FAM178B: variants seen among roughly 807,000 people sequenced by gnomAD.
FAM178B encodes the protein protein FAM178B.
In FAM178B, 82 loss-of-function variants were observed where a neutral mutation model predicts 91.7. That is an observed-to-expected ratio of 0.89 (90% CI 0.75 to 1.07). FAM178B has a LOEUF of 1.07. Ranked by LOEUF, FAM178B falls within the 50% of genes least tolerant of loss-of-function variation. The probability of loss-of-function intolerance (pLI) is 0.00; values close to 1 mark genes in which losing one functional copy is unlikely to be tolerated. For synonymous variants in FAM178B, 368 were observed against 359.4 expected (o/e 1.02, Z -0.27); for missense variants, 769 against 846.7 (o/e 0.91, Z 1.14).
chr2:96,956,292 G>C (rs1401545995), intron 6 of FAM178B, among the ~76,000 whole-genome samples: 1 of 152,230 alleles, frequency 6.6e-6, no homozygotes, highest in Non-Finnish European at 1.5e-5. Context: ...ACATGTGACT[G>C]TGGTGGCAGG....
chr2:96,971,910 C>T lies in FAM178B; in HGVS notation c.555G>A (p.Ala185=), dbSNP rs2082223562. 18 of 1,494,492 alleles carry T rather than the reference C, an allele frequency of 1.2e-5. No individual in the cohort carries two copies. Among genetic ancestry groups the T allele is most frequent in the Non-Finnish European group, 1.5e-5 (17 of 1,121,466 alleles). The allele number at this position is 1,494,492 out of a possible 1,614,324, so 92.6% of individuals were successfully genotyped here. A position where few individuals can be genotyped will look rare whatever the true frequency, so the allele number is the denominator to read the frequency against. ...GTGGACACAGGCTCACCTCTGGGGCCGCAGCCTGCTGGCTCAGGCCTGACG... is the reference window on the plus strand; with the variant it reads ...GTGGACACAGGCTCACCTCTGGGGCTGCAGCCTGCTGGCTCAGGCCTGACG... ...WNTSGLSQQA[A]APEFSWGGSG... is the part of the protein sequence containing the mutation. Residue 185 remains alanine, a synonymous_variant, in exon 3 of 17, where the codon GCG becomes GCA. Transcript: ENST00000490605.
At chr2:96,942,646 C>G (rs913800876) in intron 8 of FAM178B, among the ~76,000 whole-genome samples, 1 of 152,154 alleles carries the variant, frequency 6.6e-6, no homozygotes, top group Admixed American at 6.5e-5. Context: ...CCGCCTGCCT[C>G]GGCCTCCCAA....
chr2:96,925,302 G>T (rs549062274), intron 9 of FAM178B, among the ~76,000 whole-genome samples: 2 of 152,218 alleles, frequency 1.3e-5, no homozygotes, highest in Non-Finnish European at 1.5e-5. Flanking sequence ...GCAGAGAGGA[G>T]TGTGGCTGTG....
chr2:96,961,976 T>G (rs1037660975), intron 5 of FAM178B, among the ~76,000 whole-genome samples: 2 of 152,218 alleles, frequency 1.3e-5, no homozygotes, highest in Admixed American at 1.3e-4. Context: ...ATTAGTTTTG[T>G]ATCTATTGCT....
intron 13 of FAM178B, among the ~76,000 whole-genome samples, chr2:96,900,540 G>A (rs1381791404): frequency 6.6e-6 from 1 of 152,058 alleles, no homozygotes; most frequent in African/African-American, 2.4e-5. Context: ...AAACACAGAT[G>A]CTGAGCAAAC....
rs1162118015 is a variant in FAM178B, at chr2:96,960,232, AGGGAGGGG to A, written c.887+48_887+55del. 8 of 1,536,476 alleles carry A rather than the reference AGGGAGGGG, an allele frequency of 5.2e-6. No homozygotes were observed. In the African/African-American group the frequency reaches 9.6e-5, roughly 19 times the overall value. On this transcript the variant is annotated intron_variant, in intron 6 of 16. Transcript: ENST00000490605. ...GTGGCCCTTATCCCTGGACTCCAGG[AGGGAGGGG>A]TCCTGGACAGGCTGCGCCACCCCCT... is the stretch of plus-strand genomic sequence containing the variant.
At position 96,943,294 on chromosome 2, in the gene FAM178B, C is replaced by G. The variant is rs558859284; in HGVS notation, c.1078+4524G>C. Among the ~76,000 whole-genome samples the G allele has an allele frequency of 2.0e-5, 3 of 152,354 alleles. No homozygotes were observed. The South Asian group carries it at 6.2e-4, about 32-fold the overall frequency. ...CAGTCACTCCCCATTCCTTCTTCCC[C>G]TATCTCCTGGCAACTGTTAATCAAC... On this transcript the variant is annotated intron_variant, in intron 8 of 16. Transcript: ENST00000490605.
intron 5 of FAM178B, among the ~76,000 whole-genome samples, chr2:96,961,715 C>T (rs779218425): frequency 1.7e-4 from 26 of 152,136 alleles, no homozygotes; most frequent in Non-Finnish European, 3.5e-4. Flanking sequence ...GAGCAACTGG[C>T]ACTGGGTGTG....
intron 6 of FAM178B, among the ~76,000 whole-genome samples, chr2:96,957,925 T>C (rs1193291986): frequency 5.3e-5 from 8 of 152,068 alleles, no homozygotes; most frequent in African/African-American, 1.7e-4. Flanking sequence ...TAAAGGAAGG[T>C]TGGAAAAAAC....
chr2:96,923,956 G>C (rs1430103645), intron 9 of FAM178B, among the ~76,000 whole-genome samples: 1 of 152,238 alleles, frequency 6.6e-6, no homozygotes, highest in East Asian at 1.9e-4. Flanking sequence ...GAAAGAGAGA[G>C]GGAGAGAGAA....
Position 96,921,656 on chromosome 2 carries a change from T to C in FAM178B, c.1288-2A>G. 1.9e-6 allele frequency: 3 copies of C among 1,550,818 alleles called. No homozygotes were observed. The highest frequency in any genetic ancestry group is 2.6e-6 in the Non-Finnish European group (3 of 1,146,868). ...GGCCTGGGCACACAGCGCCAGAAAC[T>C]GGAGAGAGAAAAGAGGGCAGGGGTG... On this transcript the variant is annotated splice_acceptor_variant, in intron 10 of 16. Transcript: ENST00000490605. LOFTEE classifies it high-confidence loss of function.
At chr2:96,965,197 G>C (rs1440927881) in intron 5 of FAM178B, among the ~76,000 whole-genome samples, 1 of 151,960 alleles carries the variant, frequency 6.6e-6, no homozygotes, top group East Asian at 1.9e-4. Flanking sequence ...ACAGGGTTCA[G>C]GGTTTCACCA....
chr2:96,982,003 G>T (rs997570177), intron 1 of FAM178B, among the ~76,000 whole-genome samples: 29 of 151,562 alleles, frequency 1.9e-4, no homozygotes, highest in African/African-American at 6.3e-4. Flanking sequence ...GGAGGTCAAG[G>T]TTGCAGTGAG....
chr2:96,982,735 A>ATTTTTTT (rs58540459), intron 1 of FAM178B, among the ~76,000 whole-genome samples: 1 of 52,230 alleles, frequency 1.9e-5, no homozygotes, highest in Non-Finnish European at 3.6e-5. Flanking sequence ...TGCCCAGCTA[A>ATTTTTTT]TTTTTTTTTT....
At chr2:96,920,750 AGT>A (rs1483763774) in intron 12 of FAM178B, among the ~76,000 whole-genome samples, 1 of 151,852 alleles carries the variant, frequency 6.6e-6, no homozygotes, top group Non-Finnish European at 1.5e-5. Context: ...GGAAACAAAG[AGT>A]AACATAATTT....
intron 1 of FAM178B, among the ~76,000 whole-genome samples, chr2:96,974,014 A>G (rs2082257403): frequency 6.6e-6 from 1 of 151,938 alleles, no homozygotes; most frequent in South Asian, 2.1e-4. Flanking sequence ...AAATACATAA[A>G]TAAATAATAA....
At chr2:96,876,390 T>G in intron 16 of FAM178B, 82 bp from the exon 17 acceptor site, 1 of 1,524,744 alleles carries the variant, frequency 6.6e-7, no homozygotes, top group Non-Finnish European at 8.9e-7. Flanking sequence ...GCTGGCGGTG[T>G]CCATTCAGCA....
chr2:96,929,505 G>A (rs1274115248), intron 8 of FAM178B, among the ~76,000 whole-genome samples, 185 bp from the exon 9 acceptor site: 1 of 152,230 alleles, frequency 6.6e-6, no homozygotes, highest in South Asian at 2.1e-4. Flanking sequence ...GGGGCTTTGT[G>A]AATTTCAATG....
chr2:96,954,244 C>T (rs908709139), intron 6 of FAM178B, among the ~76,000 whole-genome samples: 2 of 152,356 alleles, frequency 1.3e-5, no homozygotes, highest in South Asian at 2.1e-4. Flanking sequence ...AGGTTCCCAT[C>T]GGAGTCCTCA....
Sources: allele counts gnomAD v4.1 joint callset (sites outside exome capture counted in the v4.1 genomes callset), GRCh38; gene constraint gnomAD v4.1.1; transcripts MANE v1.5; gene names NCBI Gene and HGNC (gene_info 2026-07-23, HGNC 2026-07-21).